The following SYNJ2 variants were observed in gnomAD, a reference collection of about 807,000 sequenced individuals.
SYNJ2 encodes the protein polyphosphatidylinositol phosphatase SYNJ2.
SYNJ2 carries 116 observed loss-of-function variants against 141.3 expected under a neutral mutation model. The observed-to-expected ratio is 0.82, with a 90% CI of 0.71 to 0.96. SYNJ2 has a LOEUF of 0.96. SYNJ2 is among the 40% of genes least tolerant of loss of function. The pLI, the probability that SYNJ2 is intolerant of heterozygous loss-of-function variation, is 0.00. For missense variants in SYNJ2, 1,873 were observed against 1,934.8 expected (o/e 0.97, Z 0.60); for synonymous variants, 745 against 777.7 (o/e 0.96, Z 0.70).
chr6:158,069,605 G>A lies in SYNJ2; in HGVS notation c.1872G>A (p.Leu624=). 6.2e-7 allele frequency: 1 copy of A among 1,614,010 alleles called. No homozygotes were observed. The highest frequency in any genetic ancestry group is 2.2e-5 in the East Asian group (1 of 44,882). The change falls in exon 14 of 27, where the codon TTG becomes TTA. Residue 624 remains leucine (L), a synonymous_variant. Transcript: ENST00000355585. ...AISRSHRYIL[L]TSAQLVGVCL... The stretch of plus-strand genomic sequence containing the variant: ...CACGCTCTCATAGATACATTCTGTT[G>A]ACTTCGGCACAGCTGGTGGGCGTCT...
chr6:157,993,102 T>C (rs1258151316), intron 1 of SYNJ2, among the ~76,000 whole-genome samples: 1 of 150,272 alleles, frequency 6.7e-6, no homozygotes, highest in Non-Finnish European at 1.5e-5. Flanking sequence ...AACGTATATA[T>C]AGTATATAAC....
intron 4 of SYNJ2, among the ~76,000 whole-genome samples, chr6:158,037,335 G>T (rs1465650767): frequency 1.3e-5 from 2 of 150,436 alleles, no homozygotes; most frequent in Non-Finnish European, 1.5e-5. Flanking sequence ...CTCTGCCTGT[G>T]TCTCTCCAGG....
chr6:158,069,211 C>G (rs1355264041), intron 13 of SYNJ2, among the ~76,000 whole-genome samples: 1 of 152,034 alleles, frequency 6.6e-6, no homozygotes, highest in Non-Finnish European at 1.5e-5. Context: ...TGGGCGCTCC[C>G]CCCACCCCCT....
intron 12 of SYNJ2, chr6:158,067,369 C>T (rs1781633700): frequency 3.1e-6 from 3 of 952,680 alleles, no homozygotes; most frequent in Non-Finnish European, 2.5e-6. Context: ...TGCCTCTCCC[C>T]AAACCAACTC....
intron 9 of SYNJ2, among the ~76,000 whole-genome samples, 180 bp downstream of exon 9, chr6:158,064,052 C>A (rs1781401040): frequency 6.6e-6 from 1 of 152,202 alleles, no homozygotes; most frequent in South Asian, 2.1e-4. Flanking sequence ...CCCCAGGAGG[C>A]TGCTTTCTCT....
At chr6:158,046,628 T>G (rs1780249514) in intron 5 of SYNJ2, among the ~76,000 whole-genome samples, 1 of 152,156 alleles carries the variant, frequency 6.6e-6, no homozygotes. Flanking sequence ...TGGGGCAGGG[T>G]TGAGCAGAGG....
rs77051193 is a variant in SYNJ2, at chr6:158,051,507, A to T, written c.796-3460A>T. 9.1e-3 allele frequency among the ~76,000 whole-genome samples: 1,368 copies of T among 150,288 alleles called. 22 individuals carry two copies. Among genetic ancestry groups the T allele is most frequent in the African/African-American group, 0.031 (1,267 of 40,228 alleles). On this transcript the variant is annotated intron_variant, in intron 5 of 26. Transcript: ENST00000355585. ...GAGGTAACACAGGCAGCAAAAAAAT[A>T]AAAAAAAACCCCACAGGTTTGGGGT...
Position 158,017,240 on chromosome 6 carries a change from G to A in SYNJ2, c.164G>A (p.Gly55Asp), listed in dbSNP as rs1435548524. ...AAGGAAGTCATTAAAGGACAGTATG[G>A]CAAGCTCACGGACGCGTACGGCTGC... ...EEKEVIKGQY[G>D]KLTDAYGCLG... The change falls in exon 2 of 27, where the codon GGC becomes GAC. Residue 55 changes from glycine (G) to aspartate (D), a missense_variant. By Grantham distance (94) the Gly-to-Asp change is moderately conservative. Transcript: ENST00000355585. 11 of 1,613,278 alleles carry A rather than the reference G, an allele frequency of 6.8e-6. No homozygotes were observed. The highest frequency in any genetic ancestry group is 8.5e-6 in the Non-Finnish European group (10 of 1,179,954).
chr6:158,003,079 C>A (rs1444456016), intron 1 of SYNJ2, among the ~76,000 whole-genome samples: 1 of 152,194 alleles, frequency 6.6e-6, no homozygotes, highest in African/African-American at 2.4e-5. Context: ...GGGTTTCTGG[C>A]TCTGACTGCG....
Position 158,071,663 on chromosome 6 carries a change from G to T in SYNJ2, c.2002G>T (p.Val668Phe). Reference protein sequence around the residue: ...MGGKAGNKGAVGIRFQFHSTS... With the variant: ...MGGKAGNKGAFGIRFQFHSTS... ...GGGCAAGGCGGGGAACAAGGGCGCCGTCGGCATCCGCTTCCAGTTCCACAG... is the reference window on the plus strand; with the variant it reads ...GGGCAAGGCGGGGAACAAGGGCGCCTTCGGCATCCGCTTCCAGTTCCACAG... Residue 668 changes from valine (V) to phenylalanine (F), a missense_variant, in exon 15 of 27, where the codon GTC (valine) becomes TTC (phenylalanine). By Grantham distance (50) the Val-to-Phe change is conservative (BLOSUM62 -1). Coordinates refer to ENST00000355585, the MANE Select transcript of SYNJ2 (RefSeq NM_003898.4). The surrounding 1 kb of genome is among the most constrained non-coding windows in gnomAD (Gnocchi z 4.3). 3 of 1,614,116 alleles carry T rather than the reference G, an allele frequency of 1.9e-6. No homozygotes were observed. The highest frequency in any genetic ancestry group is 2.5e-6 in the Non-Finnish European group (3 of 1,180,046).
In SYNJ2 at chr6:158,093,049, G is replaced by A. The variant is rs544005647; in HGVS notation, c.3689G>A (p.Arg1230Gln). Residue 1230 changes from arginine (R) to glutamine (Q), a missense_variant, in exon 26 of 27, where the codon CGG becomes CAG. Arg to Gln is a conservative substitution (Grantham distance 43, BLOSUM62 1). Transcript: ENST00000355585. ...CAGGCGCCCCCACTCCTTCCCCGTC[G>A]GCCCCCACCCAGAGTTCCTGCCATC... ...TPQAPPLLPR[R>Q]PPPRVPAIKK... 3.2e-5 allele frequency: 51 copies of A among 1,608,854 alleles called. No individual in the cohort carries two copies. Among genetic ancestry groups the A allele is most frequent in the Middle Eastern group, 1.7e-4 (1 of 6,028 alleles).
At chr6:158,051,050 A>G (rs372807152) in intron 5 of SYNJ2, among the ~76,000 whole-genome samples, 14 of 152,258 alleles carry the variant, frequency 9.2e-5, no homozygotes, top group African/African-American at 3.1e-4. Flanking sequence ...TGCTAGGTCC[A>G]GTCATCTGTG....
Position 158,071,843 on chromosome 6 carries a change from C to T in SYNJ2, c.2133+49C>T. 6.3e-7 allele frequency: 1 copy of T among 1,575,748 alleles called. No homozygotes were observed. Among genetic ancestry groups the T allele is most frequent in the South Asian group, 1.2e-5 (1 of 86,184 alleles). The stretch of plus-strand genomic sequence containing the variant: ...CAGCACCTCCCTGCTCAGCTCAGTC[C>T]CAAATGTGACTGTTGATAGGAGCCA... On this transcript the variant is annotated intron_variant, in intron 15 of 26. Transcript: ENST00000355585. This position sits in a 1 kb window ranked among gnomAD's most constrained non-coding sequence, Gnocchi z 4.3.
chr6:158,026,783 C>T lies in SYNJ2; in HGVS notation c.215-1973C>T, dbSNP rs561441616. On this transcript the variant is annotated intron_variant, in intron 2 of 26. Transcript: ENST00000355585. ...CACAGGGGCCATCCTCCTGCCTCTCCGAGGGCACTTCTGCTGAACTGTGCT... is the reference window on the plus strand; with the variant it reads ...CACAGGGGCCATCCTCCTGCCTCTCTGAGGGCACTTCTGCTGAACTGTGCT... 1.9e-5 allele frequency: 19 copies of T among 978,496 alleles called. No homozygotes were observed. In the South Asian group the frequency reaches 2.4e-4, roughly 12 times the overall value. The allele number at this position is 978,496 out of a possible 1,614,324, so 60.6% of individuals were successfully genotyped here.
chr6:158,055,091 A>T, intron 6 of SYNJ2, 63 bp downstream of exon 6: 1 of 1,573,564 alleles, frequency 6.4e-7, no homozygotes, highest in Non-Finnish European at 8.7e-7. Context: ...TCCTCCCATC[A>T]GACACAAGGG....
chr6:158,069,786 T>TTA, intron 14 of SYNJ2, 113 bp downstream of exon 14: 1 of 1,289,124 alleles, frequency 7.8e-7, no homozygotes, highest in Non-Finnish European at 1.0e-6. Flanking sequence ...GAATCGGGAC[T>TTA]TACCATTATT....
Position 158,096,131 on chromosome 6 carries a change from C to T in SYNJ2, c.4258C>T (p.His1420Tyr). 1.2e-6 allele frequency: 2 copies of T among 1,614,274 alleles called. No individual in the cohort carries two copies. Among genetic ancestry groups the T allele is most frequent in the Non-Finnish European group, 1.7e-6 (2 of 1,180,050 alleles). The change falls in exon 27 of 27, where the codon CAC (histidine) becomes TAC (tyrosine). Residue 1420 changes from histidine (H) to tyrosine (Y), a missense_variant. His to Tyr is a moderately conservative substitution (Grantham distance 83, BLOSUM62 2). Coordinates refer to ENST00000355585, the MANE Select transcript of SYNJ2 (RefSeq NM_003898.4). ...DYQDPFWNLL[H>Y]HPKLLNNTWL... The stretch of plus-strand genomic sequence containing the variant: ...TCAGGACCCCTTCTGGAACCTTCTT[C>T]ACCACCCTAAACTGTTGAATAACAC...
At chr6:158,078,142 C>G (rs755710064) in intron 17 of SYNJ2, 22 bp from the exon 18 acceptor site, 1 of 1,507,856 alleles carries the variant, frequency 6.6e-7, no homozygotes, top group Admixed American at 1.7e-5. Context: ...ATGGGTCTCT[C>G]GAATGGAACC....
intron 12 of SYNJ2, chr6:158,067,393 T>G: frequency 1.0e-6 from 1 of 976,250 alleles, no homozygotes; most frequent in Non-Finnish European, 1.2e-6. Flanking sequence ...TAATCTGCTT[T>G]AAGTAGTCAC....
Sources: gnomAD v4.1 joint callset for allele counts (sites outside exome capture counted in the v4.1 genomes callset) on GRCh38, gnomAD v4.1.1 for gene constraint, Gnocchi (gnomAD v3.1) non-coding constraint, MANE v1.5 for transcripts, NCBI Gene and HGNC (gene_info 2026-07-23, HGNC 2026-07-21) for gene names.